SPAG16: variants seen among roughly 807,000 people sequenced by gnomAD.
The protein encoded by SPAG16 is sperm-associated antigen 16 protein.
SPAG16 carries 86 observed loss-of-function variants against 80.4 expected under a neutral mutation model. The observed-to-expected ratio is 1.07, with a 90% CI of 0.90 to 1.28. The LOEUF is 1.28. SPAG16 is among the 50% of genes most tolerant of loss of function. The pLI, the probability that SPAG16 is intolerant of heterozygous loss-of-function variation, is 0.00. For synonymous variants in SPAG16, 294 were observed against 265.9 expected (o/e 1.11, Z -1.03); for missense variants, 870 against 765.3 (o/e 1.14, Z -1.61).
At chr2:213,359,765 C>G (rs2065874926) in intron 7 of SPAG16, among the ~76,000 whole-genome samples, 1 of 152,088 alleles carries the variant, frequency 6.6e-6, no homozygotes, top group Non-Finnish European at 1.5e-5. Context: ...TTCAGCTTGC[C>G]CTCCGTGGGC....
At chr2:214,178,776 A>G (rs2057215666) in intron 15 of SPAG16, among the ~76,000 whole-genome samples, 1 of 151,372 alleles carries the variant, frequency 6.6e-6, no homozygotes, top group Non-Finnish European at 1.5e-5. Flanking sequence ...TTTCCTTACA[A>G]AAACATTTTG....
At chr2:213,811,691 TC>T (rs2125669116) in intron 10 of SPAG16, among the ~76,000 whole-genome samples, 1 of 152,286 alleles carries the variant, frequency 6.6e-6, no homozygotes, top group South Asian at 2.1e-4. Flanking sequence ...AATGCATTCT[TC>T]CCAGCTACGG....
At chr2:213,931,708 C>A (rs181096688) in intron 12 of SPAG16, among the ~76,000 whole-genome samples, 228 of 152,210 alleles carry the variant, frequency 1.5e-3, no homozygotes, top group African/African-American at 5.3e-3. Flanking sequence ...ACCCTGGTAT[C>A]TAAATACTGA....
intron 9 of SPAG16, among the ~76,000 whole-genome samples, chr2:213,488,112 G>C (rs2074067959): frequency 6.6e-6 from 1 of 152,082 alleles, no homozygotes. Flanking sequence ...CCATAAGGGA[G>C]AGAATTTTGT....
chr2:213,722,946 G>T (rs1194600540), intron 10 of SPAG16, among the ~76,000 whole-genome samples: 2 of 152,058 alleles, frequency 1.3e-5, no homozygotes, highest in Non-Finnish European at 2.9e-5. Context: ...GGGGGTTCTG[G>T]CCTCATGATC....
rs1689718933 is a variant in SPAG16, at chr2:214,244,645, TA to T, written c.1720+95380del. 2.0e-5 allele frequency among the ~76,000 whole-genome samples: 3 copies of T among 152,216 alleles called. No individual in the cohort carries two copies. In the South Asian group the frequency reaches 6.2e-4, roughly 32 times the overall value. On this transcript the variant is annotated intron_variant, in intron 15 of 15. Transcript: ENST00000331683. Reference sequence around the variant, plus strand: ...TTTGGAATGTAATTAAAATTAATTTTAGAGAATTTTTAAAAATAGTTATGTA... The same window carrying T: ...TTTGGAATGTAATTAAAATTAATTTTGAGAATTTTTAAAAATAGTTATGTA...
intron 12 of SPAG16, among the ~76,000 whole-genome samples, chr2:213,932,179 TATATATATATATATATA>T (rs1392447100): frequency 0.04 from 1,045 of 26,002 alleles, 24 homozygotes; most frequent in African/African-American, 0.059. Flanking sequence ...TATATATATA[TATATATATATATATATA>T]TATTTGTTGT....
chr2:214,179,879 AAC>A (rs1282544874), intron 15 of SPAG16, among the ~76,000 whole-genome samples: 1 of 151,544 alleles, frequency 6.6e-6, no homozygotes, highest in Admixed American at 6.6e-5. Context: ...CTTAGAATTT[AAC>A]AGTTTATATG....
chr2:213,390,440 A>G (rs771608020), intron 9 of SPAG16, among the ~76,000 whole-genome samples: 7 of 152,224 alleles, frequency 4.6e-5, no homozygotes, highest in Non-Finnish European at 7.4e-5. Context: ...AAGAAAGATC[A>G]TTTCCATATG....
chr2:214,204,427 C>A (rs992098410), intron 15 of SPAG16, among the ~76,000 whole-genome samples: 11 of 152,244 alleles, frequency 7.2e-5, no homozygotes, highest in African/African-American at 2.7e-4. Flanking sequence ...GAGTCCACTT[C>A]ATTCCCCTGC....
rs182167001 is a variant in SPAG16, at chr2:213,638,425, G to A, written c.1070+148335G>A. Among the ~76,000 whole-genome samples the A allele has an allele frequency of 2.4e-3, 369 of 152,128 alleles. 2 individuals are homozygous for A. Among genetic ancestry groups the A allele is most frequent in the African/African-American group, 8.4e-3 (349 of 41,508 alleles). On this transcript the variant is annotated intron_variant, in intron 10 of 15. Transcript: ENST00000331683. ...AGCAGGGATTTTGCTGTTTCCCAGA[G>A]GTTGTGTCATGTTTGATAGGTTGTA... is the stretch of plus-strand genomic sequence containing the variant.
At chr2:213,294,068 A>C (rs1195635660) in intron 1 of SPAG16, among the ~76,000 whole-genome samples, 1 of 152,154 alleles carries the variant, frequency 6.6e-6, no homozygotes, top group Non-Finnish European at 1.5e-5. Flanking sequence ...AACGTTGATG[A>C]ACATCCCCCC....
At position 213,673,080 on chromosome 2, in the gene SPAG16, A is replaced by C. The variant is rs138338361; in HGVS notation, c.1070+182990A>C. Among the ~76,000 whole-genome samples, 643 of 151,934 alleles carry C rather than the reference A, an allele frequency of 4.2e-3. 7 individuals are homozygous for C. Among genetic ancestry groups the C allele is most frequent in the African/African-American group, 0.015 (606 of 41,468 alleles). On this transcript the variant is annotated intron_variant, in intron 10 of 15. Transcript: ENST00000331683. ...AATAATGTGCGTGTGGATATTCAAA[A>C]ATTTTTAAATCTATTTTCCTCTATA... is the stretch of plus-strand genomic sequence containing the variant.
chr2:213,565,828 T>C (rs1347036152), intron 10 of SPAG16, among the ~76,000 whole-genome samples: 1 of 152,148 alleles, frequency 6.6e-6, no homozygotes, highest in Non-Finnish European at 1.5e-5. Context: ...CCCAGATGAA[T>C]GCCAGAAGCA....
chr2:214,130,050 A>G (rs2054686897), intron 14 of SPAG16, among the ~76,000 whole-genome samples: 1 of 152,142 alleles, frequency 6.6e-6, no homozygotes, highest in Non-Finnish European at 1.5e-5. Context: ...CAATGAACAA[A>G]GTGGGGGTCT....
chr2:213,694,928 GT>G (rs1188156317), intron 10 of SPAG16, among the ~76,000 whole-genome samples: 4 of 152,082 alleles, frequency 2.6e-5, no homozygotes, highest in African/African-American at 9.6e-5. Context: ...GTAGTATGGG[GT>G]CCTGTTTTAT....
chr2:214,073,948 G>A (rs1280684129), intron 13 of SPAG16, among the ~76,000 whole-genome samples: 6 of 152,192 alleles, frequency 3.9e-5, no homozygotes, highest in Non-Finnish European at 8.8e-5. Context: ...TGGATTGAAT[G>A]TTTGTGTCCC....
At chr2:214,116,799 T>A (rs1439953475) in intron 14 of SPAG16, among the ~76,000 whole-genome samples, 1 of 152,198 alleles carries the variant, frequency 6.6e-6, no homozygotes, top group Non-Finnish European at 1.5e-5. Flanking sequence ...GAGAGGTTCC[T>A]CTAGTGCTAA....
chr2:214,320,753 A>G (rs894022686), intron 15 of SPAG16, among the ~76,000 whole-genome samples: 11 of 152,200 alleles, frequency 7.2e-5, no homozygotes, highest in Admixed American at 3.9e-4. Context: ...CCATGATTCA[A>G]TTACCTCCAC....
Sources: gnomAD v4.1 joint callset for allele counts (sites outside exome capture counted in the v4.1 genomes callset) on GRCh38, gnomAD v4.1.1 for gene constraint, MANE v1.5 for transcripts, NCBI Gene and HGNC (gene_info 2026-07-23, HGNC 2026-07-21) for gene names.